IMMP2L: variants seen among roughly 807,000 people sequenced by gnomAD.
The protein encoded by IMMP2L is inner mitochondrial membrane peptidase subunit 2.
In IMMP2L, 18 loss-of-function variants were observed where a neutral mutation model predicts 19.3. The ratio of observed to expected loss-of-function variants is 0.93; its 90% confidence interval spans 0.64 to 1.38. The LOEUF is 1.38. Among genes scored for constraint, IMMP2L ranks in the 40% most tolerant of loss-of-function variants. The pLI is 0.00. For missense variants in IMMP2L, 233 were observed against 218.2 expected (o/e 1.07, Z -0.43); for synonymous variants, 76 against 73.0 (o/e 1.04, Z -0.21).
At chr7:111,265,310 C>T (rs958452197) in intron 3 of IMMP2L, among the ~76,000 whole-genome samples, 40 of 152,272 alleles carry the variant, frequency 2.6e-4, no homozygotes, top group Admixed American at 2.4e-3. Flanking sequence ...TCTCCTAAGC[C>T]TCAGCTGCAC....
chr7:111,492,807 T>G (rs1455357545), intron 2 of IMMP2L, among the ~76,000 whole-genome samples: 1 of 152,210 alleles, frequency 6.6e-6, no homozygotes, highest in African/African-American at 2.4e-5. Context: ...ATGACATTGC[T>G]TGATTTTATA....
At chr7:111,195,256 C>T (rs1356620380) in intron 3 of IMMP2L, among the ~76,000 whole-genome samples, 1 of 151,918 alleles carries the variant, frequency 6.6e-6, no homozygotes, top group Non-Finnish European at 1.5e-5. Flanking sequence ...CAGTAGAAAC[C>T]TAAATCCCAT....
chr7:111,262,010 G>T (rs1002799679), intron 3 of IMMP2L, among the ~76,000 whole-genome samples: 1 of 152,066 alleles, frequency 6.6e-6, no homozygotes, highest in African/African-American at 2.4e-5. Context: ...GATGACAGTG[G>T]AAATTTAAGT....
In IMMP2L at chr7:110,966,884, T is replaced by A. The variant is rs182885043; in HGVS notation, c.240-3319A>T. 2.2e-3 allele frequency among the ~76,000 whole-genome samples: 341 copies of A among 152,196 alleles called. 3 individuals are homozygous for A. The highest frequency in any genetic ancestry group is 6.8e-3 in the Middle Eastern group (2 of 294). ...TTCGTCTTAATTTTCTTGGCCACTT[T>A]CCTATCTCCTAGAAAATGTGAAGAA... is the stretch of plus-strand genomic sequence containing the variant. On this transcript the variant is annotated intron_variant, in intron 3 of 5. Transcript: ENST00000405709.
chr7:111,031,470 C>T (rs974205811), intron 3 of IMMP2L, among the ~76,000 whole-genome samples: 7 of 151,622 alleles, frequency 4.6e-5, no homozygotes, highest in Admixed American at 4.6e-4. Context: ...CCAACTAAAA[C>T]AGCTCCCAAT....
At chr7:110,900,555 C>T (rs1055673597) in intron 4 of IMMP2L, among the ~76,000 whole-genome samples, 1 of 152,192 alleles carries the variant, frequency 6.6e-6, no homozygotes, top group Non-Finnish European at 1.5e-5. Flanking sequence ...TGTCATCCTT[C>T]TGCCCTACTG....
At chr7:111,259,377 G>A (rs1442402340) in intron 3 of IMMP2L, among the ~76,000 whole-genome samples, 1 of 152,136 alleles carries the variant, frequency 6.6e-6, no homozygotes. Flanking sequence ...GCTCATGACT[G>A]TAATCCCAAA....
chr7:110,941,485 CTTATAA>C (rs1451983621), intron 4 of IMMP2L, among the ~76,000 whole-genome samples: 3 of 152,162 alleles, frequency 2.0e-5, no homozygotes, highest in East Asian at 1.9e-4. Flanking sequence ...GTTTGAAATT[CTTATAA>C]TTATATTAAT....
At chr7:111,425,320 A>G (rs754008575) in intron 3 of IMMP2L, among the ~76,000 whole-genome samples, 3 of 151,336 alleles carry the variant, frequency 2.0e-5, no homozygotes, top group Non-Finnish European at 4.4e-5. Flanking sequence ...CTGTATCTTG[A>G]TAGAGATTAG....
chr7:111,354,537 C>T (rs144762790), intron 3 of IMMP2L, among the ~76,000 whole-genome samples: 25 of 148,522 alleles, frequency 1.7e-4, no homozygotes, highest in Admixed American at 4.7e-4. Context: ...TCAAGAGGGA[C>T]GAGAGGTTCT....
intron 1 of IMMP2L, among the ~76,000 whole-genome samples, chr7:111,561,171 G>A (rs1353918193): frequency 3.3e-5 from 5 of 152,110 alleles, no homozygotes; most frequent in Non-Finnish European, 5.9e-5. Flanking sequence ...CAATGAAATA[G>A]ACCACACTGA....
intron 5 of IMMP2L, among the ~76,000 whole-genome samples, chr7:110,694,491 C>G (rs1391209905): frequency 6.6e-6 from 1 of 152,132 alleles, no homozygotes; most frequent in African/African-American, 2.4e-5. Flanking sequence ...ATATTTAGGT[C>G]CTTAATTGCC....
At chr7:110,859,315 G>C (rs1807134824) in intron 5 of IMMP2L, among the ~76,000 whole-genome samples, 1 of 151,960 alleles carries the variant, frequency 6.6e-6, no homozygotes, top group Non-Finnish European at 1.5e-5. Flanking sequence ...GTGCTGTCTG[G>C]TATCTTTGGC....
chr7:111,319,202 T>G (rs1400420299), intron 3 of IMMP2L, among the ~76,000 whole-genome samples: 1 of 152,124 alleles, frequency 6.6e-6, no homozygotes, highest in Non-Finnish European at 1.5e-5. Flanking sequence ...CTGAGAGCAT[T>G]CTTTTTTCAC....
intron 4 of IMMP2L, among the ~76,000 whole-genome samples, chr7:110,935,803 A>G (rs1816038395): frequency 6.6e-6 from 1 of 152,216 alleles, no homozygotes; most frequent in South Asian, 2.1e-4. Context: ...AAACTATACT[A>G]CAAGGCTACA....
intron 4 of IMMP2L, among the ~76,000 whole-genome samples, chr7:110,930,413 T>C (rs576008592): frequency 6.6e-6 from 1 of 152,134 alleles, no homozygotes; most frequent in African/African-American, 2.4e-5. Context: ...AAGCAAATGA[T>C]AGTGATATAG....
intron 5 of IMMP2L, among the ~76,000 whole-genome samples, chr7:110,768,880 C>T (rs908639480): frequency 5.3e-5 from 8 of 152,116 alleles, no homozygotes; most frequent in Non-Finnish European, 1.2e-4. Context: ...GCTCAGAGCC[C>T]TGATGTTTAC....
intron 3 of IMMP2L, among the ~76,000 whole-genome samples, chr7:111,382,424 A>C (rs1247116124): frequency 1.3e-5 from 2 of 152,074 alleles, no homozygotes; most frequent in African/African-American, 4.8e-5. Flanking sequence ...TCCCAATGGT[A>C]AGAACAAGCA....
intron 3 of IMMP2L, among the ~76,000 whole-genome samples, chr7:111,205,716 T>C (rs1586823174): frequency 6.6e-6 from 1 of 152,152 alleles, no homozygotes; most frequent in South Asian, 2.1e-4. Context: ...CTATAGGCCA[T>C]GCCATCTTGC....
Sources: allele counts gnomAD v4.1 joint callset (sites outside exome capture counted in the v4.1 genomes callset), GRCh38; gene constraint gnomAD v4.1.1; transcripts MANE v1.5; gene names NCBI Gene and HGNC (gene_info 2026-07-23, HGNC 2026-07-21).